The following PTRHD1 variants were observed in gnomAD, a reference collection of about 807,000 sequenced individuals.
PTRHD1 encodes peptidyl-tRNA hydrolase domain containing 1.
A neutral mutation model predicts 13.6 loss-of-function variants in PTRHD1; 12 were observed. The observed-to-expected ratio is 0.88, with a 90% CI of 0.57 to 1.43. PTRHD1 has a LOEUF of 1.43. Ranked by LOEUF, PTRHD1 falls within the 40% of genes most tolerant of loss-of-function variation. The pLI is 0.00. For missense variants in PTRHD1, 203 were observed against 184.7 expected (o/e 1.10, Z -0.57); for synonymous variants, 86 against 79.5 (o/e 1.08, Z -0.43).
intron 1 of PTRHD1, among the ~76,000 whole-genome samples, chr2:24,791,250 C>T (rs2148719855): frequency 6.6e-6 from 1 of 152,194 alleles, no homozygotes; most frequent in African/African-American, 2.4e-5. Flanking sequence ...TCTAAAAGCA[C>T]ATCCACTTCC....
At chr2:24,792,336 A>C (rs1181307164) in intron 1 of PTRHD1, 1 of 152,268 alleles carries the variant, frequency 6.6e-6, no homozygotes, top group Non-Finnish European at 1.5e-5. Context: ...TTAAGGTAGA[A>C]AATTTTAAAA....
chr2:24,790,258 A>G lies in PTRHD1; in HGVS notation c.*153T>C. ...TTCCCCACTTGAACTTATTAATAAG[A>G]GGAAGTAGTTATTAATGACAACTTT... On this transcript the variant is annotated 3_prime_UTR_variant, in exon 2 of 2. Transcript: ENST00000328379. The G allele has an allele frequency of 1.3e-6, 1 of 775,822 alleles. No homozygotes were observed. Among genetic ancestry groups the G allele is most frequent in the South Asian group, 1.9e-5 (1 of 52,866 alleles). The allele number at this position is 775,822 out of a possible 1,614,324, so 48.1% of individuals were successfully genotyped here. A position where few individuals can be genotyped will look rare whatever the true frequency, so the allele number is the denominator to read the frequency against.
chr2:24,791,570 G>A (rs1372948609), intron 1 of PTRHD1: 1 of 152,184 alleles, frequency 6.6e-6, no homozygotes, highest in Non-Finnish European at 1.5e-5. Flanking sequence ...CCAGTATTGC[G>A]ACTCTTAACC....
At position 24,793,340 on chromosome 2, in the gene PTRHD1, C is replaced by T. The variant is rs899141458; in HGVS notation, c.38G>A (p.Arg13Lys). The change falls in exon 1 of 2, where the codon AGG becomes AAG. Residue 13 changes from arginine to lysine, a missense_variant. Coordinates refer to ENST00000328379, the MANE Select transcript of PTRHD1 (RefSeq NM_001013663.2). ...CTCCGCCCCAGAGGCCGCCATCTTC[C>T]TGACCACCCGAAAGGCCGGACCTAC... ...RGVGPAFRVV[R>K]KMAASGAEPQ... is the part of the protein sequence containing the mutation. The T allele has an allele frequency of 6.8e-6, 11 of 1,613,720 alleles. No homozygotes were observed. Among genetic ancestry groups the T allele is most frequent in the East Asian group, 6.7e-5 (3 of 44,902 alleles).
intron 1 of PTRHD1, among the ~76,000 whole-genome samples, chr2:24,790,887 A>C (rs1665607019): frequency 6.6e-6 from 1 of 151,580 alleles, no homozygotes; most frequent in African/African-American, 2.4e-5. Flanking sequence ...CCATAATTTT[A>C]AGTGCCTCTG....
Position 24,790,250 on chromosome 2 carries a change from T to C in PTRHD1, c.*161A>G, listed in dbSNP as rs1300509440. 1.3e-6 allele frequency: 1 copy of C among 745,950 alleles called. No homozygotes were observed. The highest frequency in any genetic ancestry group is 2.1e-6 in the Non-Finnish European group (1 of 475,580). The allele number at this position is 745,950 out of a possible 1,614,324, so 46.2% of individuals were successfully genotyped here. On this transcript the variant is annotated 3_prime_UTR_variant, in exon 2 of 2. Coordinates refer to ENST00000328379, the MANE Select transcript of PTRHD1 (RefSeq NM_001013663.2). ...CTCCCACCTTCCCCACTTGAACTTA[T>C]TAATAAGAGGAAGTAGTTATTAATG...
At chr2:24,792,866 G>GT (rs1265985076) in intron 1 of PTRHD1, 2 of 573,722 alleles carry the variant, frequency 3.5e-6, no homozygotes, top group Non-Finnish European at 6.2e-6. Flanking sequence ...AAGTCGGCCA[G>GT]TGCACAGGCG....
At chr2:24,792,798 C>T (rs1016235351) in intron 1 of PTRHD1, 7 of 435,630 alleles carry the variant, frequency 1.6e-5, no homozygotes, top group Non-Finnish European at 2.5e-5. Flanking sequence ...CTTCACTTTG[C>T]ACTGTCCCTT....
chr2:24,793,098 C>T, intron 1 of PTRHD1, 28 bp downstream of exon 1: 1 of 1,601,226 alleles, frequency 6.2e-7, no homozygotes. Context: ...GATGTCTCAG[C>T]ACCTCCCCCT....
chr2:24,790,587 G>A lies in PTRHD1; in HGVS notation c.253-6C>T. 6.2e-7 allele frequency: 1 copy of A among 1,611,298 alleles called. No homozygotes were observed. Among genetic ancestry groups the A allele is most frequent in the Non-Finnish European group, 8.5e-7 (1 of 1,178,722 alleles). ...AGGGTGGTCTCATCTGGGGCCTAAAGGAGAAGAACACAGAACACAAACTGA... is the reference window on the plus strand; with the variant it reads ...AGGGTGGTCTCATCTGGGGCCTAAAAGAGAAGAACACAGAACACAAACTGA... On this transcript the variant is annotated splice_polypyrimidine_tract_variant and splice_region_variant and intron_variant, in intron 1 of 1. Coordinates refer to ENST00000328379, the MANE Select transcript of PTRHD1 (RefSeq NM_001013663.2).
rs553276736 is a variant in PTRHD1, at chr2:24,793,181, GGGTGGTCGCGGTGAGTGTGCAAGGCCGC to G, written c.169_196del (p.Ala57ArgfsTer26). 262 of 1,613,408 alleles carry G rather than the reference GGGTGGTCGCGGTGAGTGTGCAAGGCCGC, an allele frequency of 1.6e-4. No individual in the cohort carries two copies. In the African/African-American group the frequency reaches 1.8e-3, roughly 11 times the overall value. ...CTCTTGGAGGTAAGCGGCTGTGTGC[GGGTGGTCGCGGTGAGTGTGCAAGGCCGC>G]GGTGGCCGCGTGACAAGCCTGCGCT... On this transcript the variant is annotated frameshift_variant, in exon 1 of 2. Coordinates refer to ENST00000328379, the MANE Select transcript of PTRHD1 (RefSeq NM_001013663.2). LOFTEE classifies it high-confidence loss of function.
intron 1 of PTRHD1, chr2:24,792,743 T>C (rs1002945512): frequency 1.7e-5 from 4 of 235,872 alleles, no homozygotes; most frequent in African/African-American, 4.5e-5. Flanking sequence ...TTAGTATTTA[T>C]TTTCAAATAA....
Position 24,793,143 on chromosome 2 carries a change from G to C in PTRHD1, c.235C>G (p.Arg79Gly), listed in dbSNP as rs767472776. The change falls in exon 1 of 2, where the codon CGC becomes GGC. Residue 79 changes from arginine to glycine, a missense_variant. By Grantham distance (125) the Arg-to-Gly change is moderately radical. Coordinates refer to ENST00000328379, the MANE Select transcript of PTRHD1 (RefSeq NM_001013663.2). ...TGCCTCACCTCGAGGACCACTTTGCGCATGCGCCCCAGCTCTTGGAGGTAA... is the reference window on the plus strand; with the variant it reads ...TGCCTCACCTCGAGGACCACTTTGCCCATGCGCCCCAGCTCTTGGAGGTAA... ...AAYLQELGRM[R>G]KVVLEAPDET... 6 of 1,612,782 alleles carry C rather than the reference G, an allele frequency of 3.7e-6. No homozygotes were observed. In the South Asian group the frequency reaches 5.5e-5, roughly 15 times the overall value.
At chr2:24,792,432 A>G (rs1665654572) in intron 1 of PTRHD1, 1 of 152,186 alleles carries the variant, frequency 6.6e-6, no homozygotes, top group African/African-American at 2.4e-5. Flanking sequence ...TTCCTTTCAA[A>G]GTCTGGATCA....
At chr2:24,790,932 TTTTTC>T (rs371207749) in intron 1 of PTRHD1, among the ~76,000 whole-genome samples, 18,707 of 150,810 alleles carry the variant, frequency 0.12, 1,140 homozygotes, top group East Asian at 0.2. Context: ...TTTTTTTTTT[TTTTTC>T]TTTTGAGACA....
Position 24,793,160 on chromosome 2 carries a change from T to A in PTRHD1, c.218A>T (p.Gln73Leu). The change falls in exon 1 of 2, where the codon CAA becomes CTA. Residue 73 changes from glutamine to leucine, a missense_variant. Physicochemically the swap from Gln to Leu is moderately radical, Grantham distance 113. Transcript: ENST00000328379. ...CACTTTGCGCATGCGCCCCAGCTCT[T>A]GGAGGTAAGCGGCTGTGTGCGGGTG... ...RDHPHTAAYL[Q>L]ELGRMRKVVL... 1 of 1,613,350 alleles carries A rather than the reference T, an allele frequency of 6.2e-7. No homozygotes were observed. Among genetic ancestry groups the A allele is most frequent in the Non-Finnish European group, 8.5e-7 (1 of 1,179,806 alleles).
At chr2:24,791,126 T>C (rs1437614416) in intron 1 of PTRHD1, among the ~76,000 whole-genome samples, 1 of 152,126 alleles carries the variant, frequency 6.6e-6, no homozygotes, top group Non-Finnish European at 1.5e-5. Flanking sequence ...GGTTTCACCA[T>C]GTTGCCCAGG....
chr2:24,793,107 C>G lies in PTRHD1; in HGVS notation c.252+19G>C, dbSNP rs758365762. On this transcript the variant is annotated intron_variant, in intron 1 of 1. Coordinates refer to ENST00000328379, the MANE Select transcript of PTRHD1 (RefSeq NM_001013663.2). Reference sequence around the variant, plus strand: ...GCCCTCGATGTCTCAGCACCTCCCCCTCCGCCCGAGTGCCTCACCTCGAGG... The same window carrying G: ...GCCCTCGATGTCTCAGCACCTCCCCGTCCGCCCGAGTGCCTCACCTCGAGG... 27 of 1,606,328 alleles carry G rather than the reference C, an allele frequency of 1.7e-5. No homozygotes were observed. The highest frequency in any genetic ancestry group is 2.0e-5 in the Non-Finnish European group (24 of 1,176,432).
At position 24,793,117 on chromosome 2, in the gene PTRHD1, G is replaced by T; in HGVS notation, c.252+9C>A. 1 of 1,608,722 alleles carries T rather than the reference G, an allele frequency of 6.2e-7. No individual in the cohort carries two copies. On this transcript the variant is annotated intron_variant, in intron 1 of 1. Coordinates refer to ENST00000328379, the MANE Select transcript of PTRHD1 (RefSeq NM_001013663.2). ...TCTCAGCACCTCCCCCTCCGCCCGA[G>T]TGCCTCACCTCGAGGACCACTTTGC...
Sources: allele counts gnomAD v4.1 joint callset (sites outside exome capture counted in the v4.1 genomes callset), GRCh38; gene constraint gnomAD v4.1.1; transcripts MANE v1.5; gene names NCBI Gene and HGNC (gene_info 2026-07-23, HGNC 2026-07-21).